The following PALM variants were observed in gnomAD, a reference collection of about 807,000 sequenced individuals.
PALM encodes the protein paralemmin-1.
Under a neutral mutation model 30.7 loss-of-function variants are expected in PALM, and 18 were observed. That is an observed-to-expected ratio of 0.59 (90% CI 0.41 to 0.87). PALM has a LOEUF of 0.87. Ranked by LOEUF, PALM falls within the 40% of genes least tolerant of loss-of-function variation. The pLI, the probability that PALM is intolerant of heterozygous loss-of-function variation, is 0.00. For synonymous variants in PALM, 286 were observed against 242.8 expected (o/e 1.18, Z -1.66); for missense variants, 529 against 555.4 (o/e 0.95, Z 0.48).
chr19:721,411 G>T (rs533053157), intron 1 of PALM, among the ~76,000 whole-genome samples: 3 of 143,356 alleles, frequency 2.1e-5, no homozygotes, highest in Non-Finnish European at 4.6e-5. Flanking sequence ...GATTACAGGC[G>T]CCTGGCACCA....
At chr19:717,250 A>G (rs1464800746) in intron 1 of PALM, among the ~76,000 whole-genome samples, 1 of 151,924 alleles carries the variant, frequency 6.6e-6, no homozygotes, top group Non-Finnish European at 1.5e-5. Context: ...TTTCACCACA[A>G]TTGTAGAACA....
intron 1 of PALM, among the ~76,000 whole-genome samples, chr19:713,938 T>C (rs535545946): frequency 8.1e-6 from 1 of 124,222 alleles, no homozygotes; most frequent in South Asian, 2.6e-4. Context: ...AGAGTCTCGC[T>C]CTGTCACCCA....
intron 7 of PALM, among the ~76,000 whole-genome samples, chr19:738,066 G>A (rs556512040): frequency 5.3e-5 from 8 of 152,216 alleles, no homozygotes; most frequent in African/African-American, 1.7e-4. Flanking sequence ...TCTGAAGGTG[G>A]AGCCCCCAGG....
At chr19:727,249 C>CGATCCTGACCCCAACCT (rs1568225411) in intron 3 of PALM, among the ~76,000 whole-genome samples, 161 bp downstream of exon 3, 50 of 34,312 alleles carry the variant, frequency 1.5e-3, no homozygotes, top group Non-Finnish European at 3.1e-3. Flanking sequence ...ACCCCGACCC[C>CGATCCTGACCCCAACCT]GACCCTGACC....
intron 3 of PALM, 87 bp from the exon 4 acceptor site, chr19:727,477 C>A: frequency 8.8e-7 from 1 of 1,139,384 alleles, no homozygotes; most frequent in Non-Finnish European, 1.3e-6. Flanking sequence ...TCAACCCCGA[C>A]CCTGATCCTG....
rs2032008718 is a variant in PALM, at chr19:709,723, G to A, written c.5+572G>A. On this transcript the variant is annotated intron_variant, in intron 1 of 8. Transcript: ENST00000338448. This position sits in a 1 kb window ranked among gnomAD's most constrained non-coding sequence, Gnocchi z 4.3. ...AGTTACCGCTGGAGGGAGAGGGGCT[G>A]CCCTCGGCTTCCCGGGTCTCTGGGG... is the stretch of plus-strand genomic sequence containing the variant. Among the ~76,000 whole-genome samples the A allele has an allele frequency of 6.6e-6, 1 of 152,198 alleles. No individual in the cohort carries two copies. The highest frequency in any genetic ancestry group is 2.1e-4 in the South Asian group (1 of 4,834).
intron 7 of PALM, 40 bp from the exon 8 acceptor site, chr19:740,312 G>C (rs142889233): frequency 3.9e-6 from 6 of 1,520,838 alleles, no homozygotes; most frequent in African/African-American, 1.4e-5. Context: ...GGGTGCGGGG[G>C]CGGGCAGGCC....
intron 8 of PALM, among the ~76,000 whole-genome samples, chr19:744,929 C>T (rs1166521160): frequency 6.6e-6 from 1 of 150,760 alleles, no homozygotes; most frequent in East Asian, 1.9e-4. Flanking sequence ...TGTGTAATCC[C>T]AGCACCTTGG....
chr19:718,582 C>T (rs1035215202), intron 1 of PALM, among the ~76,000 whole-genome samples: 5 of 152,182 alleles, frequency 3.3e-5, no homozygotes, highest in Admixed American at 3.3e-4. Flanking sequence ...GTTTGCTTCT[C>T]TGCATCTGTG....
intron 5 of PALM, among the ~76,000 whole-genome samples, chr19:732,722 C>A (rs1295787011): frequency 1.3e-5 from 2 of 151,740 alleles, no homozygotes; most frequent in African/African-American, 4.8e-5. Flanking sequence ...TGGGCACAGT[C>A]CTGGACCTCA....
chr19:723,842 C>T lies in PALM; in HGVS notation c.6-2296C>T, dbSNP rs558619143. Among the ~76,000 whole-genome samples the T allele has an allele frequency of 4.6e-5, 7 of 152,238 alleles. No homozygotes were observed. In the East Asian group the frequency reaches 9.7e-4, roughly 21 times the overall value. On this transcript the variant is annotated intron_variant, in intron 1 of 8. Coordinates refer to ENST00000338448, the MANE Select transcript of PALM (RefSeq NM_002579.3). ...AACTTCCGACCTCAGGTAATCCGCT[C>T]GCATCGGCCTCCCAGAGCGCTGGGA...
chr19:722,667 C>CG (rs888422617), intron 1 of PALM: 19 of 152,390 alleles, frequency 1.2e-4, no homozygotes, highest in African/African-American at 4.6e-4. Context: ...AGCGAGGGCC[C>CG]GGGCCTCAAG....
chr19:716,955 A>G (rs1473389186), intron 1 of PALM, among the ~76,000 whole-genome samples: 1 of 151,200 alleles, frequency 6.6e-6, no homozygotes, highest in Non-Finnish European at 1.5e-5. Context: ...TTTTTGAGAC[A>G]GAGTCTCTCT....
At position 711,647 on chromosome 19, in the gene PALM, G is replaced by T. The variant is rs190673513; in HGVS notation, c.5+2496G>T. On this transcript the variant is annotated intron_variant, in intron 1 of 8. Transcript: ENST00000338448. ...TATCTGTTTCTTCCTCCATGTTTCC[G>T]CTGTCTTGTTTGTGGCGGTGGCTTC... 2.2e-4 allele frequency among the ~76,000 whole-genome samples: 33 copies of T among 152,280 alleles called. No homozygotes were observed. The East Asian group carries it at 6.0e-3, about 28-fold the overall frequency.
At chr19:740,277 C>T (rs111736086) in intron 7 of PALM, 75 bp from the exon 8 acceptor site, 1 of 1,445,822 alleles carries the variant, frequency 6.9e-7, no homozygotes, top group East Asian at 2.5e-5. Context: ...TCCCCCCTCC[C>T]TGGCTTGGCC....
chr19:713,909 T>TTTC (rs1022308199), intron 1 of PALM, among the ~76,000 whole-genome samples: 1 of 58,650 alleles, frequency 1.7e-5, no homozygotes, highest in Non-Finnish European at 3.4e-5. Flanking sequence ...TCTTTCTTTC[T>TTTC]TTTTTTTTTT....
chr19:710,302 C>T (rs968957812), intron 1 of PALM, among the ~76,000 whole-genome samples: 2 of 152,202 alleles, frequency 1.3e-5, no homozygotes, highest in African/African-American at 4.8e-5. Context: ...ACCCAGTGTC[C>T]TCTGCTTTTG....
chr19:736,509 C>T (rs1014751762), intron 7 of PALM, among the ~76,000 whole-genome samples: 2 of 152,198 alleles, frequency 1.3e-5, no homozygotes, highest in Non-Finnish European at 2.9e-5. Context: ...CTGGAGGCAA[C>T]CAAGCCAGGT....
chr19:729,458 CTTTTTT>C (rs34688325), intron 4 of PALM, among the ~76,000 whole-genome samples: 7 of 72,710 alleles, frequency 9.6e-5, no homozygotes, highest in Non-Finnish European at 1.0e-4. Context: ...CACGGTGCGT[CTTTTTT>C]TTTTTTTTTT....
Sources: allele counts gnomAD v4.1 joint callset (sites outside exome capture counted in the v4.1 genomes callset), GRCh38; gene constraint gnomAD v4.1.1; non-coding constraint Gnocchi (gnomAD v3.1); transcripts MANE v1.5; gene names NCBI Gene and HGNC (gene_info 2026-07-23, HGNC 2026-07-21).